MACROD2: variants seen among roughly 807,000 people sequenced by gnomAD.
MACROD2 encodes ADP-ribose glycohydrolase MACROD2.
MACROD2 carries 36 observed loss-of-function variants against 70.4 expected under a neutral mutation model. The ratio of observed to expected loss-of-function variants is 0.51; its 90% confidence interval spans 0.39 to 0.68. The LOEUF is 0.68. Ranked by LOEUF, MACROD2 falls within the 30% of genes least tolerant of loss-of-function variation. MACROD2 has a pLI of 0.00. For missense variants in MACROD2, 496 were observed against 538.4 expected (o/e 0.92, Z 0.78); for synonymous variants, 172 against 178.8 (o/e 0.96, Z 0.30).
intron 15 of MACROD2, among the ~76,000 whole-genome samples, chr20:15,998,687 C>T (rs538327646): frequency 6.6e-6 from 1 of 151,738 alleles, no homozygotes; most frequent in South Asian, 2.1e-4. Context: ...GCCTCAGCCT[C>T]CCAAGTGGCT....
At chr20:15,966,048 G>A (rs971045655) in intron 12 of MACROD2, among the ~76,000 whole-genome samples, 1 of 152,118 alleles carries the variant, frequency 6.6e-6, no homozygotes, top group Non-Finnish European at 1.5e-5. Context: ...GTTGCTTGTG[G>A]CAGGTTCAAG....
intron 8 of MACROD2, among the ~76,000 whole-genome samples, chr20:15,819,391 T>C (rs2063913436): frequency 7.0e-6 from 1 of 142,990 alleles, no homozygotes; most frequent in African/African-American, 2.5e-5. Context: ...ATAGATAACA[T>C]ATATAAAATA....
chr20:14,754,782 T>G (rs2071918067), intron 5 of MACROD2, among the ~76,000 whole-genome samples: 1 of 140,034 alleles, frequency 7.1e-6, no homozygotes. Flanking sequence ...GTGGGATATT[T>G]TTAGGTAAAG....
chr20:16,023,934 G>C (rs1379376424), intron 15 of MACROD2, among the ~76,000 whole-genome samples: 1 of 152,152 alleles, frequency 6.6e-6, no homozygotes, highest in African/African-American at 2.4e-5. Context: ...GGTGCTTTTG[G>C]TGGAGAAGTA....
At chr20:15,783,759 G>A (rs6131705) in intron 8 of MACROD2, among the ~76,000 whole-genome samples, 4,671 of 152,214 alleles carry the variant, frequency 0.031, 346 homozygotes, top group East Asian at 0.29. Flanking sequence ...TGTGTCTCCA[G>A]TTGCCTCTCT....
chr20:14,867,715 A>G (rs2073443663), intron 5 of MACROD2, among the ~76,000 whole-genome samples: 1 of 152,122 alleles, frequency 6.6e-6, no homozygotes, highest in South Asian at 2.1e-4. Flanking sequence ...TTCTGAGGCC[A>G]CCATTGTCCT....
chr20:15,472,428 T>G (rs907319544), intron 7 of MACROD2, among the ~76,000 whole-genome samples: 2 of 152,180 alleles, frequency 1.3e-5, no homozygotes, highest in East Asian at 3.8e-4. Flanking sequence ...ACTTTTCAAG[T>G]GAATTCAGTT....
intron 5 of MACROD2, among the ~76,000 whole-genome samples, chr20:14,776,723 A>G (rs1481911374): frequency 1.3e-5 from 2 of 152,076 alleles, no homozygotes; most frequent in African/African-American, 4.8e-5. Context: ...CATAATATAC[A>G]TATTGGAATG....
intron 4 of MACROD2, among the ~76,000 whole-genome samples, chr20:14,518,586 T>A (rs2085129491): frequency 6.6e-6 from 1 of 152,208 alleles, no homozygotes; most frequent in Non-Finnish European, 1.5e-5. Flanking sequence ...CTACTGAATA[T>A]TACTAAATGC....
rs6110161 is a variant in MACROD2 at position 14,084,118 on chromosome 20, G to C, written c.164-1503G>C. On this transcript the variant is annotated intron_variant, in intron 2 of 17. Transcript: ENST00000684519. ...CTTCCGGGAGAGAAGCGGTTACTAA[G>C]AAGGGAATGCTTTATAGACAGAGAA... is the stretch of plus-strand genomic sequence containing the variant. Among the ~76,000 whole-genome samples the C allele has an allele frequency of 4.8e-5, 6 of 125,968 alleles. No homozygotes were observed. In the East Asian group the frequency reaches 6.9e-4, roughly 15 times the overall value. The allele number at this position is 125,968 out of a possible 152,430, so 82.6% of individuals were successfully genotyped here.
intron 3 of MACROD2, among the ~76,000 whole-genome samples, chr20:14,397,444 A>G (rs2083592900): frequency 6.6e-6 from 1 of 152,208 alleles, no homozygotes; most frequent in East Asian, 1.9e-4. Context: ...TTCAAAAATA[A>G]CATTGTAGTT....
chr20:15,967,698 A>AC, intron 13 of MACROD2, 68 bp downstream of exon 13: 6 of 1,361,956 alleles, frequency 4.4e-6, no homozygotes, highest in African/African-American at 3.1e-5. Context: ...AAAAAAAAAA[A>AC]AAACCCACAG....
intron 5 of MACROD2, among the ~76,000 whole-genome samples, chr20:15,129,284 A>G (rs1453035375): frequency 6.6e-6 from 1 of 152,076 alleles, no homozygotes. Context: ...GCACTGTTAT[A>G]TTGTTTAGGG....
chr20:14,748,610 G>A (rs756853405), intron 5 of MACROD2, among the ~76,000 whole-genome samples: 1 of 152,110 alleles, frequency 6.6e-6, no homozygotes, highest in Non-Finnish European at 1.5e-5. Flanking sequence ...TGACTTAAAT[G>A]TATCATTGCT....
intron 3 of MACROD2, among the ~76,000 whole-genome samples, chr20:14,207,190 C>G (rs1360506257): frequency 1.3e-5 from 2 of 152,034 alleles, no homozygotes; most frequent in African/African-American, 4.8e-5. Context: ...CTCTGCCTCC[C>G]AGGTTCAAGC....
chr20:15,822,504 CTG>C (rs1307573982), intron 8 of MACROD2, among the ~76,000 whole-genome samples: 4 of 152,040 alleles, frequency 2.6e-5, no homozygotes, highest in African/African-American at 9.7e-5. Flanking sequence ...AGGAATGAAA[CTG>C]AAAGTTATTG....
intron 8 of MACROD2, among the ~76,000 whole-genome samples, chr20:15,570,332 T>C (rs1012432820): frequency 6.6e-6 from 1 of 152,204 alleles, no homozygotes; most frequent in African/African-American, 2.4e-5. Context: ...TCTTAGAATG[T>C]TGGCACTTTG....
intron 5 of MACROD2, among the ~76,000 whole-genome samples, chr20:15,223,319 C>CT (rs1821714507): frequency 6.6e-6 from 1 of 152,158 alleles, no homozygotes; most frequent in African/African-American, 2.4e-5. Context: ...ACAAAGGCTG[C>CT]TTTTCCTTTC....
At chr20:14,766,520 G>T (rs1173207392) in intron 5 of MACROD2, among the ~76,000 whole-genome samples, 2 of 151,946 alleles carry the variant, frequency 1.3e-5, no homozygotes, top group African/African-American at 4.8e-5. Flanking sequence ...AGATATGAGG[G>T]ATATAAACCT....
Sources: gnomAD v4.1 joint callset for allele counts (sites outside exome capture counted in the v4.1 genomes callset) on GRCh38, gnomAD v4.1.1 for gene constraint, MANE v1.5 for transcripts, NCBI Gene and HGNC (gene_info 2026-07-23, HGNC 2026-07-21) for gene names.